The following CDH10 variants were observed in gnomAD, a reference collection of about 807,000 sequenced individuals.
CDH10 encodes cadherin-10.
CDH10 carries 30 observed loss-of-function variants against 73.1 expected under a neutral mutation model. The ratio of observed to expected loss-of-function variants is 0.41; its 90% CI spans 0.31 to 0.56. CDH10 has a LOEUF of 0.56. Ranked by LOEUF, CDH10 falls within the 20% of genes least tolerant of loss-of-function variation. The pLI is 0.27. For missense variants in CDH10, 815 were observed against 973.7 expected (o/e 0.84, Z 2.17); for synonymous variants, 345 against 348.2 (o/e 0.99, Z 0.10).
intron 5 of CDH10, among the ~76,000 whole-genome samples, chr5:24,525,988 G>A (rs1182598594): frequency 1.3e-5 from 2 of 152,144 alleles, no homozygotes; most frequent in East Asian, 1.9e-4. Flanking sequence ...AGGATTCAGC[G>A]AGGTTAAGAC....
intron 2 of CDH10, among the ~76,000 whole-genome samples, chr5:24,579,247 T>C (rs770749066): frequency 1.3e-5 from 2 of 151,898 alleles, no homozygotes; most frequent in South Asian, 2.1e-4. Context: ...ACATTTTCTC[T>C]GAAACCAGGA....
At chr5:24,586,840 A>ATTTTTTTTTTT (rs1746023448) in intron 2 of CDH10, among the ~76,000 whole-genome samples, 1 of 100,604 alleles carries the variant, frequency 9.9e-6, no homozygotes, top group Non-Finnish European at 1.9e-5. Context: ...GATAGCCCAT[A>ATTTTTTTTTTT]TTCTTTTTTT....
chr5:24,638,501 A>AT (rs1324491424), intron 1 of CDH10, among the ~76,000 whole-genome samples: 1 of 151,810 alleles, frequency 6.6e-6, no homozygotes, highest in African/African-American at 2.4e-5. Flanking sequence ...CTTAGGATTC[A>AT]TTTTTTAACT....
At chr5:24,505,838 G>T (rs775236111) in intron 7 of CDH10, among the ~76,000 whole-genome samples, 2 of 152,132 alleles carry the variant, frequency 1.3e-5, no homozygotes, top group Non-Finnish European at 2.9e-5. Flanking sequence ...CTGGATGGCC[G>T]GGCACAGGGG....
intron 2 of CDH10, among the ~76,000 whole-genome samples, chr5:24,542,601 T>G (rs926137945): frequency 1.8e-4 from 27 of 152,100 alleles, no homozygotes; most frequent in African/African-American, 6.3e-4. Flanking sequence ...AATGACAAAA[T>G]TGCCTAATGA....
chr5:24,602,708 T>C (rs1258849946), intron 1 of CDH10, among the ~76,000 whole-genome samples: 2 of 152,216 alleles, frequency 1.3e-5, no homozygotes, highest in African/African-American at 4.8e-5. Context: ...TTTTTGAGTT[T>C]ATTTTAACTT....
chr5:24,605,027 A>G (rs1445261726), intron 1 of CDH10, among the ~76,000 whole-genome samples: 1 of 152,190 alleles, frequency 6.6e-6, no homozygotes, highest in Non-Finnish European at 1.5e-5. Flanking sequence ...AAATAACCCA[A>G]TTGAAAACAG....
intron 2 of CDH10, among the ~76,000 whole-genome samples, chr5:24,591,332 T>G (rs562449351): frequency 7.9e-4 from 120 of 152,034 alleles, no homozygotes; most frequent in African/African-American, 2.8e-3. Context: ...CTAGACACTC[T>G]GGCCATTAAA....
intron 5 of CDH10, among the ~76,000 whole-genome samples, chr5:24,533,849 C>T (rs530607918): frequency 1.2e-4 from 18 of 152,048 alleles, no homozygotes; most frequent in African/African-American, 3.9e-4. Context: ...CATGCCTTGC[C>T]CTATGAGTTC....
intron 1 of CDH10, among the ~76,000 whole-genome samples, chr5:24,601,125 A>G (rs1746548429): frequency 6.6e-6 from 1 of 152,076 alleles, no homozygotes; most frequent in Non-Finnish European, 1.5e-5. Context: ...AAATTAAATC[A>G]TTTTCATGGG....
chr5:24,507,260 C>A (rs1742730231), intron 7 of CDH10, among the ~76,000 whole-genome samples: 1 of 151,576 alleles, frequency 6.6e-6, no homozygotes, highest in Non-Finnish European at 1.5e-5. Context: ...TTTCCTACAT[C>A]AAATTAGTAT....
chr5:24,502,427 C>A (rs1028585957), intron 8 of CDH10, among the ~76,000 whole-genome samples: 1 of 152,056 alleles, frequency 6.6e-6, no homozygotes, highest in African/African-American at 2.4e-5. Flanking sequence ...CTGCTCAGGG[C>A]GTGATGTATG....
intron 6 of CDH10, among the ~76,000 whole-genome samples, chr5:24,510,398 A>T (rs13360599): frequency 0.039 from 5,872 of 152,338 alleles, 382 homozygotes; most frequent in African/African-American, 0.13. Context: ...TTGAAACAAA[A>T]TACCTTAAAT....
intron 1 of CDH10, among the ~76,000 whole-genome samples, chr5:24,642,843 C>T (rs988608300): frequency 1.3e-5 from 2 of 151,582 alleles, no homozygotes; most frequent in Non-Finnish European, 2.9e-5. Context: ...GTATGAAATT[C>T]TATTCTTTGA....
At chr5:24,549,584 T>A (rs1271370495) in intron 2 of CDH10, among the ~76,000 whole-genome samples, 1 of 143,138 alleles carries the variant, frequency 7.0e-6, no homozygotes, top group Non-Finnish European at 1.5e-5. Flanking sequence ...AAAGTCTGGA[T>A]CTTGTCTCCC....
intron 2 of CDH10, among the ~76,000 whole-genome samples, chr5:24,553,174 C>T (rs1744614315): frequency 6.6e-6 from 1 of 152,060 alleles, no homozygotes; most frequent in South Asian, 2.1e-4. Flanking sequence ...ATATGTAGTC[C>T]TTCTGATCTC....
intron 1 of CDH10, among the ~76,000 whole-genome samples, chr5:24,636,449 A>G (rs1747870836): frequency 6.6e-6 from 1 of 151,958 alleles, no homozygotes; most frequent in South Asian, 2.1e-4. Flanking sequence ...CCTATTAAAC[A>G]TGACCTTCCT....
chr5:24,612,529 C>G (rs1780538949), intron 1 of CDH10: 2 of 152,086 alleles, frequency 1.3e-5, no homozygotes, highest in South Asian at 4.1e-4. Context: ...CTCAGTGTCA[C>G]AAAATAATGG....
At chr5:24,488,800 C>A (rs57001357) in intron 11 of CDH10, among the ~76,000 whole-genome samples, 2 of 138,934 alleles carry the variant, frequency 1.4e-5, no homozygotes, top group African/African-American at 5.4e-5. Context: ...GACCCCCCCC[C>A]CAAAAAAAAT....
Sources: allele counts gnomAD v4.1 joint callset (sites outside exome capture counted in the v4.1 genomes callset), GRCh38; gene constraint gnomAD v4.1.1; transcripts MANE v1.5; gene names NCBI Gene and HGNC (gene_info 2026-07-23, HGNC 2026-07-21).